PARD3B: variants seen among roughly 807,000 people sequenced by gnomAD.
PARD3B encodes par-3 family cell polarity regulator beta.
A neutral mutation model predicts 130.2 loss-of-function variants in PARD3B; 103 were observed. The observed-to-expected ratio is 0.79, with a 90% confidence interval of 0.67 to 0.93. The LOEUF is 0.93. PARD3B is among the 40% of genes least tolerant of loss of function. The probability of loss-of-function intolerance (pLI) is 0.00; values close to 1 mark genes in which losing one functional copy is unlikely to be tolerated. For missense variants in PARD3B, 1,609 were observed against 1,499.2 expected (o/e 1.07, Z -1.21); for synonymous variants, 583 against 553.2 (o/e 1.05, Z -0.76).
intron 10 of PARD3B, among the ~76,000 whole-genome samples, chr2:205,148,275 A>T (rs1248637765): frequency 6.6e-6 from 1 of 152,136 alleles, no homozygotes; most frequent in African/African-American, 2.4e-5. Context: ...AATGTCCTTT[A>T]CTATTTAGTA....
intron 2 of PARD3B, among the ~76,000 whole-genome samples, chr2:204,954,177 GC>G (rs1690042224): frequency 1.3e-5 from 2 of 152,292 alleles, no homozygotes; most frequent in South Asian, 4.1e-4. Context: ...GCAATTAGAA[GC>G]TAAAGGAAAA....
chr2:204,558,843 G>T (rs2031110764), intron 1 of PARD3B, among the ~76,000 whole-genome samples: 1 of 152,124 alleles, frequency 6.6e-6, no homozygotes, highest in East Asian at 1.9e-4. Context: ...CCAAAACAGA[G>T]ATATAGACCA....
chr2:204,881,532 T>C (rs2046049164), intron 2 of PARD3B, among the ~76,000 whole-genome samples: 2 of 152,302 alleles, frequency 1.3e-5, no homozygotes, highest in African/African-American at 2.4e-5. Flanking sequence ...CTCACCAGTG[T>C]TATTTTGATT....
chr2:204,820,092 T>TTTTTTTTA (rs57945549), intron 2 of PARD3B, among the ~76,000 whole-genome samples: 1 of 147,370 alleles, frequency 6.8e-6, no homozygotes, highest in African/African-American at 2.6e-5. Context: ...TTTTTTTTTT[T>TTTTTTTTA]GAGACGGAGT....
At chr2:205,359,878 T>A (rs952167064) in intron 18 of PARD3B, among the ~76,000 whole-genome samples, 3 of 152,184 alleles carry the variant, frequency 2.0e-5, no homozygotes, top group Admixed American at 1.3e-4. Context: ...CTTGGAATCA[T>A]GGGAGCCATA....
At chr2:205,495,372 G>A (rs1337577225) in intron 20 of PARD3B, among the ~76,000 whole-genome samples, 1 of 152,128 alleles carries the variant, frequency 6.6e-6, no homozygotes, top group Non-Finnish European at 1.5e-5. Context: ...CCTATATAGG[G>A]ATACAGCTGT....
In PARD3B at chr2:204,556,078, G is replaced by A. The variant is rs544855749; in HGVS notation, c.120+9959G>A. 5.3e-5 allele frequency among the ~76,000 whole-genome samples: 8 copies of A among 152,272 alleles called. No homozygotes were observed. The South Asian group carries it at 1.7e-3, about 32-fold the overall frequency. ...TTCTGAACCCTTAGATTCTAGAAGA[G>A]CACCAGGTCATAGTAGGGCATCAGT... On this transcript the variant is annotated intron_variant, in intron 1 of 22. Coordinates refer to ENST00000406610, the MANE Select transcript of PARD3B (RefSeq NM_001302769.2).
chr2:204,857,776 T>C (rs1419898850), intron 2 of PARD3B, among the ~76,000 whole-genome samples: 1 of 152,090 alleles, frequency 6.6e-6, no homozygotes, highest in African/African-American at 2.4e-5. Flanking sequence ...ACATCCTCGA[T>C]TTTATAGCCT....
intron 3 of PARD3B, among the ~76,000 whole-genome samples, chr2:205,037,219 ATATG>A (rs199858963): frequency 0.022 from 3,234 of 147,682 alleles, 142 homozygotes; most frequent in African/African-American, 0.073. Flanking sequence ...ATATATAAAA[ATATG>A]TATATAGTGG....
chr2:205,372,378 G>A (rs1403282908), intron 18 of PARD3B, among the ~76,000 whole-genome samples: 1 of 152,164 alleles, frequency 6.6e-6, no homozygotes, highest in South Asian at 2.1e-4. Flanking sequence ...GTTTTGAGTG[G>A]TGTCTCATTG....
intron 1 of PARD3B, among the ~76,000 whole-genome samples, chr2:204,573,946 G>A (rs1019258480): frequency 2.0e-5 from 3 of 152,234 alleles, no homozygotes; most frequent in African/African-American, 2.4e-5. Context: ...GTCTTATAGC[G>A]TCTCCAAGTA....
intron 19 of PARD3B, among the ~76,000 whole-genome samples, chr2:205,429,694 A>G (rs12694024): frequency 0.095 from 14,528 of 152,238 alleles, 973 homozygotes; most frequent in African/African-American, 0.19. Context: ...AATTTGAAGC[A>G]TATGTGCTTC....
intron 18 of PARD3B, among the ~76,000 whole-genome samples, chr2:205,377,743 G>C (rs1464597394): frequency 6.7e-6 from 1 of 148,614 alleles, no homozygotes; most frequent in African/African-American, 2.5e-5. Context: ...TCGAGACCAA[G>C]TATCACATGG....
In PARD3B at chr2:204,689,004, T is replaced by C. The variant is rs2037230206; in HGVS notation, c.222+2722T>C. On this transcript the variant is annotated intron_variant, in intron 2 of 22. Transcript: ENST00000406610. The surrounding 1 kb of genome is among the most constrained non-coding windows in gnomAD (Gnocchi z 5.2). ...GTGGCATTAAGGAACTGTTGGTCTATTGCAGCATATCAGGCAGGAAAAACA... is the reference window on the plus strand; with the variant it reads ...GTGGCATTAAGGAACTGTTGGTCTACTGCAGCATATCAGGCAGGAAAAACA... 1.3e-5 allele frequency among the ~76,000 whole-genome samples: 2 copies of C among 152,148 alleles called. No individual in the cohort carries two copies. Among genetic ancestry groups the C allele is most frequent in the South Asian group, 4.1e-4 (2 of 4,838 alleles).
intron 2 of PARD3B, among the ~76,000 whole-genome samples, chr2:204,895,418 C>A (rs1367233150): frequency 3.9e-5 from 6 of 151,948 alleles, no homozygotes; most frequent in Non-Finnish European, 8.8e-5. Context: ...AGATAATTTA[C>A]AAAACTGATG....
chr2:205,384,476 T>G (rs1401130801), intron 18 of PARD3B, among the ~76,000 whole-genome samples: 3 of 152,088 alleles, frequency 2.0e-5, no homozygotes, highest in Non-Finnish European at 4.4e-5. Context: ...TATTTTTGAT[T>G]CCTATATAAT....
At chr2:204,975,159 T>C (rs1360559337) in intron 3 of PARD3B, among the ~76,000 whole-genome samples, 3 of 152,224 alleles carry the variant, frequency 2.0e-5, no homozygotes, top group Admixed American at 2.0e-4. Context: ...TTAGTCAGTA[T>C]GTGATGTTTC....
intron 18 of PARD3B, among the ~76,000 whole-genome samples, chr2:205,307,052 C>A (rs2042212540): frequency 1.3e-5 from 2 of 152,156 alleles, no homozygotes; most frequent in Admixed American, 1.3e-4. Context: ...TAGAATGGCA[C>A]CTGGCCAAGG....
At chr2:204,627,965 A>T (rs2034543586) in intron 1 of PARD3B, among the ~76,000 whole-genome samples, 1 of 140,338 alleles carries the variant, frequency 7.1e-6, no homozygotes, top group Non-Finnish European at 1.6e-5. Context: ...ACTTTTTTAA[A>T]ACACTATGAG....
Sources: gnomAD v4.1 joint callset for allele counts (sites outside exome capture counted in the v4.1 genomes callset) on GRCh38, gnomAD v4.1.1 for gene constraint, Gnocchi (gnomAD v3.1) non-coding constraint, MANE v1.5 for transcripts, NCBI Gene and HGNC (gene_info 2026-07-23, HGNC 2026-07-21) for gene names.